The following WDR19 variants were observed in gnomAD, a reference collection of about 807,000 sequenced individuals.
The protein encoded by WDR19 is WD repeat domain 19.
In WDR19, 121 loss-of-function variants were observed where a neutral mutation model predicts 180.0. The ratio of observed to expected loss-of-function variants is 0.67; its 90% CI spans 0.58 to 0.78. WDR19 has a LOEUF of 0.78. Among genes scored for constraint, WDR19 ranks in the 30% least tolerant of loss-of-function variants. The pLI is 0.00. For missense variants in WDR19, 1,450 were observed against 1,640.7 expected (o/e 0.88, Z 2.01); for synonymous variants, 497 against 540.7 (o/e 0.92, Z 1.12).
chr4:39,195,455 C>T (rs565602009), intron 5 of WDR19, among the ~76,000 whole-genome samples: 8 of 151,520 alleles, frequency 5.3e-5, no homozygotes, highest in Non-Finnish European at 5.9e-5. Context: ...CCCTCACCTT[C>T]TCCAAATCCT....
intron 5 of WDR19, among the ~76,000 whole-genome samples, chr4:39,195,635 G>A (rs961153339): frequency 6.6e-6 from 1 of 152,020 alleles, no homozygotes; most frequent in African/African-American, 2.4e-5. Flanking sequence ...ATCTATTCTT[G>A]TCAATTATTG....
chr4:39,194,133 T>G (rs3821992), intron 4 of WDR19, among the ~76,000 whole-genome samples: 4 of 152,122 alleles, frequency 2.6e-5, no homozygotes, highest in Non-Finnish European at 4.4e-5. Context: ...TTTAAAGTCA[T>G]GAATTCCCAA....
chr4:39,195,370 AAAAAAAAAC>A (rs1319313372), intron 5 of WDR19, among the ~76,000 whole-genome samples: 2 of 136,576 alleles, frequency 1.5e-5, no homozygotes, highest in East Asian at 2.0e-4. Flanking sequence ...TCATCTCAAA[AAAAAAAAAC>A]AAAAAAACAA....
chr4:39,197,004 GC>G (rs1272623317), intron 5 of WDR19, among the ~76,000 whole-genome samples: 1 of 152,184 alleles, frequency 6.6e-6, no homozygotes, highest in Admixed American at 6.5e-5. Flanking sequence ...CTCAGTAACA[GC>G]TAAAATAGCT....
intron 36 of WDR19, among the ~76,000 whole-genome samples, chr4:39,284,163 CCTTTCT>C (rs71192842): frequency 0.51 from 76,521 of 150,892 alleles, 20,896 homozygotes; most frequent in African/African-American, 0.73. Flanking sequence ...TTTTTCTATC[CCTTTCT>C]GTCTTCTCAT....
intron 24 of WDR19, among the ~76,000 whole-genome samples, chr4:39,247,998 A>G (rs1316394369): frequency 6.6e-6 from 1 of 152,248 alleles, no homozygotes; most frequent in Non-Finnish European, 1.5e-5. Flanking sequence ...CAGGAAATAC[A>G]GAGAATGCCA....
chr4:39,250,089 A>G (rs1031435710), intron 24 of WDR19, among the ~76,000 whole-genome samples: 4 of 152,150 alleles, frequency 2.6e-5, no homozygotes, highest in African/African-American at 7.2e-5. Context: ...CGATGCAAAA[A>G]TCCTCAATAA....
At chr4:39,223,052 C>T (rs1365724240) in intron 14 of WDR19, among the ~76,000 whole-genome samples, 1 of 152,052 alleles carries the variant, frequency 6.6e-6, no homozygotes, top group Non-Finnish European at 1.5e-5. Context: ...TAGTTTGTTC[C>T]ATTTTGTTAT....
intron 30 of WDR19, among the ~76,000 whole-genome samples, chr4:39,269,254 G>A (rs1735106734): frequency 6.6e-6 from 1 of 152,200 alleles, no homozygotes; most frequent in Non-Finnish European, 1.5e-5. Context: ...ATGCAGGGGT[G>A]TGACCTTGAG....
At chr4:39,234,701 T>G (rs1425276179) in intron 19 of WDR19, 65 bp from the exon 20 acceptor site, 3 of 981,294 alleles carry the variant, frequency 3.1e-6, no homozygotes, top group African/African-American at 3.2e-5. Flanking sequence ...TAAAACTAGC[T>G]CTTTGTGGTA....
In WDR19 at chr4:39,261,144, A is replaced by AT. The variant is rs35966394; in HGVS notation, c.3183+3607dup. Reference sequence around the variant, plus strand: ...GAGTTGCCCACCACCACACGCGGCTATTTTTTTTTTTTTTTTTCTATTTTT... The same window carrying AT: ...GAGTTGCCCACCACCACACGCGGCTATTTTTTTTTTTTTTTTTTCTATTTTT... On this transcript the variant is annotated intron_variant, in intron 28 of 36. Coordinates refer to ENST00000399820, the MANE Select transcript of WDR19 (RefSeq NM_025132.4). Among the ~76,000 whole-genome samples, 548 of 135,192 alleles carry AT rather than the reference A, an allele frequency of 4.1e-3. 4 individuals are homozygous for AT. The highest frequency in any genetic ancestry group is 0.01 in the African/African-American group (371 of 35,536). 88.7% of individuals were successfully genotyped at this position (135,192 alleles called of 152,430 possible).
At chr4:39,278,285 G>C in intron 35 of WDR19, 78 bp downstream of exon 35, 1 of 1,372,198 alleles carries the variant, frequency 7.3e-7, no homozygotes, top group East Asian at 2.5e-5. Flanking sequence ...TTCTTCCGAA[G>C]CATTCTTCTA....
Position 39,277,044 on chromosome 4 carries a change from A to G in WDR19, c.3741A>G (p.Glu1247=), listed in dbSNP as rs763511230. Residue 1247 remains glutamate, a synonymous_variant, in exon 34 of 37, where the codon GAA becomes GAG. Transcript: ENST00000399820. ...GGAGACCCGATATATCTGAGATAGA[A>G]GAGGCCACGACTCCATGTCCATTCT... ...MVRRPDISEI[E]EATTPCPFCK... 1.9e-6 allele frequency: 3 copies of G among 1,613,934 alleles called. No homozygotes were observed. In the South Asian group the frequency reaches 3.3e-5, roughly 18 times the overall value.
intron 4 of WDR19, among the ~76,000 whole-genome samples, chr4:39,193,118 G>A (rs1372702715): frequency 6.6e-6 from 1 of 151,794 alleles, no homozygotes; most frequent in Non-Finnish European, 1.5e-5. Context: ...CTAGCAGCCT[G>A]GTATGTTACT....
intron 24 of WDR19, among the ~76,000 whole-genome samples, chr4:39,252,369 G>GA (rs1733311496): frequency 1.1e-5 from 1 of 92,236 alleles, no homozygotes; most frequent in African/African-American, 4.2e-5. Flanking sequence ...GGGGTGGGGG[G>GA]AGGGGGGAGG....
At chr4:39,249,124 C>T (rs1489104785) in intron 24 of WDR19, among the ~76,000 whole-genome samples, 1 of 152,000 alleles carries the variant, frequency 6.6e-6, no homozygotes, top group Non-Finnish European at 1.5e-5. Flanking sequence ...TGTAAAAGAA[C>T]AGAAATTATA....
At chr4:39,215,441 C>G (rs183017609) in intron 10 of WDR19, among the ~76,000 whole-genome samples, 1 of 152,134 alleles carries the variant, frequency 6.6e-6, no homozygotes, top group African/African-American at 2.4e-5. Flanking sequence ...CTGCAGTGTT[C>G]AGTACAGTAA....
intron 15 of WDR19, among the ~76,000 whole-genome samples, chr4:39,225,689 A>T (rs1730174232): frequency 6.6e-6 from 1 of 152,144 alleles, no homozygotes; most frequent in South Asian, 2.1e-4. Context: ...TACTGTTTCC[A>T]GGTGCCTAGG....
intron 20 of WDR19, among the ~76,000 whole-genome samples, chr4:39,239,858 T>C (rs1731733526): frequency 6.6e-6 from 1 of 152,224 alleles, no homozygotes; most frequent in African/African-American, 2.4e-5. Context: ...ACAAAGATTA[T>C]CTTTTAAATC....
Sources: allele counts gnomAD v4.1 joint callset (sites outside exome capture counted in the v4.1 genomes callset), GRCh38; gene constraint gnomAD v4.1.1; transcripts MANE v1.5; gene names NCBI Gene and HGNC (gene_info 2026-07-23, HGNC 2026-07-21).